Variants in RHOBTB3 observed in about 807,000 individuals in gnomAD.
RHOBTB3 encodes the protein Rho related BTB domain containing 3, also known as rho-related BTB domain-containing protein 3.
In RHOBTB3, 47 loss-of-function variants were observed where a neutral mutation model predicts 67.2. The ratio of observed to expected loss-of-function variants is 0.70; its 90% CI spans 0.55 to 0.89. The LOEUF (loss-of-function observed/expected upper bound fraction) is 0.89, where lower values mean the gene tolerates loss of function less well. RHOBTB3 is among the 40% of genes least tolerant of loss of function. RHOBTB3 has a pLI of 0.00. For synonymous variants in RHOBTB3, 273 were observed against 274.2 expected (o/e 1.00, Z 0.04); for missense variants, 631 against 750.0 (o/e 0.84, Z 1.85).
chr5:95,751,031 C>T (rs1037039058), intron 4 of RHOBTB3, among the ~76,000 whole-genome samples: 4 of 152,108 alleles, frequency 2.6e-5, no homozygotes, highest in East Asian at 1.9e-4. Context: ...TGATTTACAG[C>T]GTTTAAATAT....
intron 6 of RHOBTB3, among the ~76,000 whole-genome samples, chr5:95,758,832 G>C (rs1295614990): frequency 6.6e-6 from 1 of 152,182 alleles, no homozygotes; most frequent in Non-Finnish European, 1.5e-5. Flanking sequence ...GGTGGTGCTG[G>C]ATCTCTGGAC....
chr5:95,779,991 A>G (rs1379478586), intron 8 of RHOBTB3: 1 of 441,278 alleles, frequency 2.3e-6, no homozygotes, highest in African/African-American at 2.0e-5. Context: ...CAGTGTTTCT[A>G]TTTCTGGAAA....
At chr5:95,775,020 T>A (rs1745825944) in intron 8 of RHOBTB3, among the ~76,000 whole-genome samples, 1 of 152,148 alleles carries the variant, frequency 6.6e-6, no homozygotes, top group Admixed American at 6.6e-5. Flanking sequence ...TGCCACATGA[T>A]GGTAGAGCAG....
At chr5:95,731,155 G>T, upstream of RHOBTB3, 2 of 1,017,078 alleles carry the variant, frequency 2.0e-6, no homozygotes, top group East Asian at 1.1e-4. Flanking sequence ...CCGCGCGGGC[G>T]GCTCCTTTGT....
chr5:95,765,684 C>T (rs929590017), intron 7 of RHOBTB3, among the ~76,000 whole-genome samples: 1 of 152,190 alleles, frequency 6.6e-6, no homozygotes, highest in Non-Finnish European at 1.5e-5. Context: ...TTTTTTGAGA[C>T]GGAGTCTCGC....
At chr5:95,760,182 G>A (rs373152785) in intron 6 of RHOBTB3, among the ~76,000 whole-genome samples, 6 of 152,206 alleles carry the variant, frequency 3.9e-5, no homozygotes, top group South Asian at 2.1e-4. Flanking sequence ...TTTTGTATAC[G>A]TTAGTTTTCT....
At chr5:95,767,783 G>C in intron 7 of RHOBTB3, 1 of 701,826 alleles carries the variant, frequency 1.4e-6, no homozygotes, top group South Asian at 1.5e-5. Context: ...GGACCTTGCA[G>C]CTTCTCAGCA....
intron 7 of RHOBTB3, among the ~76,000 whole-genome samples, chr5:95,766,000 C>T (rs1012743084): frequency 7.9e-5 from 12 of 152,204 alleles, no homozygotes; most frequent in African/African-American, 2.4e-4. Context: ...TTAAGCGTGG[C>T]GGTCACTTGA....
Position 95,783,793 on chromosome 5 carries a change from T to A in RHOBTB3, c.1457-4T>A, listed in dbSNP as rs758487488. The stretch of plus-strand genomic sequence containing the variant: ...ACTTTCTCTCATGTCCCTTTTCTCA[T>A]CAGCTGGCATATTCCAGGCCATGTG... On this transcript the variant is annotated splice_region_variant and splice_polypyrimidine_tract_variant and intron_variant, in intron 9 of 11. Transcript: ENST00000379982. 1 of 1,604,408 alleles carries A rather than the reference T, an allele frequency of 6.2e-7. No homozygotes were observed. The highest frequency in any genetic ancestry group is 1.7e-5 in the Admixed American group (1 of 59,724).
rs1430778855 is a variant in RHOBTB3 at position 95,793,650 on chromosome 5, C to T, written c.*476C>T. The T allele has an allele frequency of 4.9e-5, 9 of 184,068 alleles. No homozygotes were observed. The highest frequency in any genetic ancestry group is 3.0e-4 in the East Asian group (2 of 6,752). 11.4% of individuals were successfully genotyped at this position (184,068 alleles called of 1,614,324 possible). A position where few individuals can be genotyped will look rare whatever the true frequency, so the allele number is the denominator to read the frequency against. ...TGAGATTTTAGGAATAGAAATTTGC[C>T]GGCCATTTGGAAAGTGAAATGCCAC... On this transcript the variant is annotated 3_prime_UTR_variant, in exon 12 of 12. Transcript: ENST00000379982.
chr5:95,792,959 G>C (rs1386348385), intron 11 of RHOBTB3, 100 bp from the exon 12 acceptor site: 2 of 770,912 alleles, frequency 2.6e-6, no homozygotes. Flanking sequence ...ATGTATCACA[G>C]AGCTGGATCT....
chr5:95,767,377 G>C (rs1025307519), intron 7 of RHOBTB3, among the ~76,000 whole-genome samples: 9 of 150,844 alleles, frequency 6.0e-5, no homozygotes, highest in African/African-American at 2.2e-4. Flanking sequence ...TCACTCTGTT[G>C]CCCAGGCTGG....
chr5:95,724,376 T>C (rs1172726279), intron 1 of RHOBTB3, among the ~76,000 whole-genome samples: 2 of 152,274 alleles, frequency 1.3e-5, no homozygotes, highest in East Asian at 3.8e-4. Flanking sequence ...TTTTACATGT[T>C]TAACACATAG....
rs1745218555 is a variant in RHOBTB3 at position 95,755,548 on chromosome 5, CAT to C, written c.836_837del (p.His279ArgfsTer13). On this transcript the variant is annotated frameshift_variant, in exon 6 of 12. Transcript: ENST00000379982. LOFTEE classifies it high-confidence loss of function. ...AHKIVLCAVS[H>X]VFMLLFNVKS... is the part of the protein sequence containing the mutation. ...CAAGATCGTTCTCTGCGCTGTAAGC[CAT>C]GTTTTCATGCTGCTTTTCAATGTGA... 1 of 1,614,002 alleles carries C rather than the reference CAT, an allele frequency of 6.2e-7. No homozygotes were observed. Among genetic ancestry groups the C allele is most frequent in the Admixed American group, 1.7e-5 (1 of 59,986 alleles).
rs556476931 is a variant in RHOBTB3, at chr5:95,752,194, T to G, written c.571-45T>G. The G allele has an allele frequency of 5.2e-6, 6 of 1,154,414 alleles. No homozygotes were observed. In the African/African-American group the frequency reaches 9.3e-5, roughly 18 times the overall value. The allele number at this position is 1,154,414 out of a possible 1,614,324, so 71.5% of individuals were successfully genotyped here. ...CAGATGCAAATTTTCATGTTGGATATATAGTTTTGTTGGATCTTCAATTAA... is the reference window on the plus strand; with the variant it reads ...CAGATGCAAATTTTCATGTTGGATAGATAGTTTTGTTGGATCTTCAATTAA... On this transcript the variant is annotated intron_variant, in intron 4 of 11. Transcript: ENST00000379982.
chr5:95,759,281 C>T (rs1395763195), intron 6 of RHOBTB3, among the ~76,000 whole-genome samples: 1 of 152,224 alleles, frequency 6.6e-6, no homozygotes, highest in East Asian at 1.9e-4. Context: ...GGGGCACGGG[C>T]CATTGACCCG....
chr5:95,788,897 G>A, intron 11 of RHOBTB3, 39 bp downstream of exon 11: 2 of 1,206,774 alleles, frequency 1.7e-6, no homozygotes, highest in Non-Finnish European at 2.3e-6. Flanking sequence ...AAAACTTTAT[G>A]TTCTTTGTTC....
chr5:95,741,197 A>G (rs1409382146), intron 3 of RHOBTB3, among the ~76,000 whole-genome samples: 1 of 151,984 alleles, frequency 6.6e-6, no homozygotes, highest in African/African-American at 2.4e-5. Flanking sequence ...GCGTGGTGGC[A>G]GGTGCCTGTA....
At chr5:95,747,391 C>T (rs1744952922) in intron 3 of RHOBTB3, among the ~76,000 whole-genome samples, 2 of 152,210 alleles carry the variant, frequency 1.3e-5, no homozygotes, top group Admixed American at 1.3e-4. Context: ...CTTCTCCACA[C>T]CACTCTTCAT....
Sources: gnomAD v4.1 joint callset for allele counts (sites outside exome capture counted in the v4.1 genomes callset) on GRCh38, gnomAD v4.1.1 for gene constraint, MANE v1.5 for transcripts, NCBI Gene and HGNC (gene_info 2026-07-23, HGNC 2026-07-21) for gene names.